EPHA5: variants seen among roughly 807,000 people sequenced by gnomAD.
EPHA5 encodes ephrin type-A receptor 5.
Under a neutral mutation model 105.0 loss-of-function variants are expected in EPHA5, and 60 were observed. The observed-to-expected ratio is 0.57, with a 90% CI of 0.46 to 0.71. EPHA5 has a LOEUF of 0.71. Ranked by LOEUF, EPHA5 falls within the 30% of genes least tolerant of loss-of-function variation. EPHA5 has a pLI of 0.00. For synonymous variants in EPHA5, 513 were observed against 449.1 expected, an observed-to-expected ratio of 1.14 and a Z score of -1.80; for missense variants, 1,218 against 1,274.7, an observed-to-expected ratio of 0.96 and a Z score of 0.68.
Position 65,331,968 on chromosome 4 carries a change from C to T in EPHA5, c.2945+5G>A, listed in dbSNP as rs2148797842. 1 of 1,565,464 alleles carries T rather than the reference C, an allele frequency of 6.4e-7. No homozygotes were observed. The highest frequency in any genetic ancestry group is 8.6e-7 in the Non-Finnish European group (1 of 1,160,140). On this transcript the variant is annotated splice_donor_5th_base_variant and intron_variant, in intron 16 of 16. Transcript: ENST00000613740. ...TATGTAAAAATTATCAGAAAAATTA[C>T]TCACTCCAAGGTCACCTGAGCCACA...
intron 5 of EPHA5, among the ~76,000 whole-genome samples, chr4:65,438,178 T>C (rs1444951644): frequency 6.6e-6 from 1 of 151,962 alleles, no homozygotes; most frequent in Non-Finnish European, 1.5e-5. Flanking sequence ...TAAAATGCTA[T>C]TGATTTATCT....
chr4:65,591,295 T>A (rs1742623202), intron 3 of EPHA5, among the ~76,000 whole-genome samples: 1 of 152,092 alleles, frequency 6.6e-6, no homozygotes, highest in Non-Finnish European at 1.5e-5. Context: ...ATATGATTAA[T>A]CTTATTGTAA....
intron 3 of EPHA5, among the ~76,000 whole-genome samples, chr4:65,515,056 C>G (rs1733972007): frequency 6.6e-6 from 1 of 152,136 alleles, no homozygotes; most frequent in Non-Finnish European, 1.5e-5. Context: ...TTATAATCCT[C>G]TTTTACTTCC....
intron 16 of EPHA5, 32 bp from the exon 17 acceptor site, chr4:65,324,251 G>C (rs1359436038): frequency 6.8e-7 from 1 of 1,464,502 alleles, no homozygotes; most frequent in Non-Finnish European, 9.5e-7. Context: ...TGGATGTATT[G>C]ATTCAATTTG....
chr4:65,331,560 C>A, intron 16 of EPHA5: 1 of 1,056,562 alleles, frequency 9.5e-7, no homozygotes, highest in Non-Finnish European at 1.1e-6. Context: ...TCGTAGAGAG[C>A]CAAAATGTAC....
At chr4:65,519,983 C>T (rs1411413641) in intron 3 of EPHA5, among the ~76,000 whole-genome samples, 2 of 152,192 alleles carry the variant, frequency 1.3e-5, no homozygotes, top group Non-Finnish European at 2.9e-5. Flanking sequence ...ATGCCATCCC[C>T]ATCAAGCTAC....
At chr4:65,372,447 G>A (rs1718570385) in intron 8 of EPHA5, among the ~76,000 whole-genome samples, 1 of 151,818 alleles carries the variant, frequency 6.6e-6, no homozygotes, top group African/African-American at 2.4e-5. Flanking sequence ...AGGCAGTCTT[G>A]CTAGCAAAAC....
chr4:65,327,198 ATTGT>A (rs542668366), intron 16 of EPHA5, among the ~76,000 whole-genome samples: 140 of 151,356 alleles, frequency 9.2e-4, no homozygotes, highest in African/African-American at 3.3e-3. Flanking sequence ...AAATGTGGGT[ATTGT>A]TTGAGTTTAT....
intron 6 of EPHA5, among the ~76,000 whole-genome samples, chr4:65,416,666 G>A (rs907054898): frequency 2.0e-5 from 3 of 152,152 alleles, no homozygotes; most frequent in African/African-American, 7.2e-5. Flanking sequence ...AATATCAATT[G>A]CAGAACATTC....
At chr4:65,486,640 A>G (rs1730907484) in intron 5 of EPHA5, among the ~76,000 whole-genome samples, 1 of 152,268 alleles carries the variant, frequency 6.6e-6, no homozygotes, top group South Asian at 2.1e-4. Context: ...CATATGGTGA[A>G]GATAACTTTC....
chr4:65,652,838 A>T (rs1162897352), intron 1 of EPHA5, among the ~76,000 whole-genome samples: 4 of 152,134 alleles, frequency 2.6e-5, no homozygotes, highest in East Asian at 1.9e-4. Context: ...TTTCAAAAAT[A>T]AGTTACAAGA....
At chr4:65,423,454 T>A (rs989088857) in intron 5 of EPHA5, among the ~76,000 whole-genome samples, 1 of 152,212 alleles carries the variant, frequency 6.6e-6, no homozygotes, top group African/African-American at 2.4e-5. Flanking sequence ...TCTACTTAAA[T>A]TATTAGAAAT....
At chr4:65,497,547 A>G (rs1415557537) in intron 3 of EPHA5, among the ~76,000 whole-genome samples, 1 of 152,066 alleles carries the variant, frequency 6.6e-6, no homozygotes, top group African/African-American at 2.4e-5. Context: ...ATACTTAGCT[A>G]AGTTATTCAA....
intron 8 of EPHA5, among the ~76,000 whole-genome samples, chr4:65,375,312 A>T (rs1718886928): frequency 6.6e-6 from 1 of 151,778 alleles, no homozygotes; most frequent in Non-Finnish European, 1.5e-5. Context: ...AAACACACAC[A>T]CAGGCAAATA....
intron 2 of EPHA5, among the ~76,000 whole-genome samples, chr4:65,625,931 C>T (rs981040621): frequency 3.9e-5 from 6 of 151,908 alleles, no homozygotes; most frequent in African/African-American, 1.5e-4. Context: ...AACCCCGTCT[C>T]TACTAAAAAT....
At chr4:65,366,940 C>T (rs1357413200) in intron 9 of EPHA5, among the ~76,000 whole-genome samples, 1 of 150,958 alleles carries the variant, frequency 6.6e-6, no homozygotes, top group East Asian at 1.9e-4. Flanking sequence ...AGGACCTGTT[C>T]AGGTAAATTC....
intron 14 of EPHA5, among the ~76,000 whole-genome samples, chr4:65,336,525 A>G (rs974608333): frequency 6.6e-6 from 1 of 152,126 alleles, no homozygotes; most frequent in Non-Finnish European, 1.5e-5. Flanking sequence ...TTAATGAAAA[A>G]CTATGTGCAC....
At chr4:65,513,454 T>C (rs1234881988) in intron 3 of EPHA5, among the ~76,000 whole-genome samples, 4 of 152,156 alleles carry the variant, frequency 2.6e-5, no homozygotes, top group Non-Finnish European at 4.4e-5. Context: ...TGACGCAATC[T>C]TGGCTCACTT....
At chr4:65,656,573 A>G (rs1749080650) in intron 1 of EPHA5, among the ~76,000 whole-genome samples, 1 of 147,604 alleles carries the variant, frequency 6.8e-6, no homozygotes, top group South Asian at 2.1e-4. Flanking sequence ...TACATGTAGC[A>G]TTTTATATAT....
Sources: gnomAD v4.1 joint callset for allele counts (sites outside exome capture counted in the v4.1 genomes callset) on GRCh38, gnomAD v4.1.1 for gene constraint, MANE v1.5 for transcripts, NCBI Gene and HGNC (gene_info 2026-07-23, HGNC 2026-07-21) for gene names.